Variants in ARHGAP21 observed in about 807,000 individuals in gnomAD.
ARHGAP21 encodes rho GTPase-activating protein 21.
ARHGAP21 carries 38 observed loss-of-function variants against 164.6 expected under a neutral mutation model. The ratio of observed to expected loss-of-function variants is 0.23; its 90% CI spans 0.18 to 0.30. The LOEUF is 0.30. ARHGAP21 is among the 10% of genes least tolerant of loss of function. The probability of loss-of-function intolerance (pLI) is 1.00; values close to 1 mark genes in which losing one functional copy is unlikely to be tolerated. For missense variants in ARHGAP21, 1,822 were observed against 2,370.7 expected (o/e 0.77, Z 4.81); for synonymous variants, 766 against 857.9 (o/e 0.89, Z 1.87).
chr10:24,689,492 C>A (rs1002008248), intron 2 of ARHGAP21, among the ~76,000 whole-genome samples: 1 of 152,114 alleles, frequency 6.6e-6, no homozygotes, highest in Non-Finnish European at 1.5e-5. Context: ...ATAATTCCAA[C>A]ACTTTGGGAG....
rs753571117 is a variant in ARHGAP21, at chr10:24,620,031, G to A, written c.1864C>T (p.Arg622Ter). ...GAAGGAGCTTTCAGAGAATTACTTC[G>A]GACTTTCACAAGAGGTGACCTGTCT... ...SQDRSPLVKVRSNSLKAPSTH... is the reference protein window; with the variant it reads ...SQDRSPLVKV Residue 622 changes from arginine to a stop codon, truncating the protein, a stop_gained, in exon 9 of 26, where the codon CGA becomes TGA. Transcript: ENST00000396432. LOFTEE classifies it high-confidence loss of function. 2.5e-6 allele frequency: 4 copies of A among 1,613,898 alleles called. No homozygotes were observed. Among genetic ancestry groups the A allele is most frequent in the Non-Finnish European group, 2.5e-6 (3 of 1,179,838 alleles).
chr10:24,710,986 T>A (rs1475419878), intron 2 of ARHGAP21, among the ~76,000 whole-genome samples: 1 of 149,440 alleles, frequency 6.7e-6, no homozygotes, highest in African/African-American at 2.5e-5. Context: ...CCCAGCTACT[T>A]GGGAGGCTGA....
intron 14 of ARHGAP21, 41 bp downstream of exon 14, chr10:24,600,605 T>G: frequency 1.9e-6 from 3 of 1,587,074 alleles, no homozygotes; most frequent in Non-Finnish European, 2.6e-6. Flanking sequence ...GAAAGTGTTG[T>G]GAAAGGGTCA....
At chr10:24,597,886 G>A (rs1406388944) in intron 15 of ARHGAP21, 59 bp downstream of exon 15, 3 of 1,519,038 alleles carry the variant, frequency 2.0e-6, no homozygotes, top group Non-Finnish European at 2.7e-6. Flanking sequence ...TTGCAAATAA[G>A]GGGGATGACT....
rs1332337991 is a variant in ARHGAP21 at position 24,589,042 on chromosome 10, A to G, written c.4182+229T>C. On this transcript the variant is annotated intron_variant, in intron 25 of 25. Coordinates refer to ENST00000396432, the MANE Select transcript of ARHGAP21 (RefSeq NM_020824.4). ...ATTAAAGAATGGCCTAGTTCTTTGT[A>G]TTATGCTAAAACTGCACAATGAGAA... Among the ~76,000 whole-genome samples, 7 of 152,164 alleles carry G rather than the reference A, an allele frequency of 4.6e-5. 1 individual carries two copies. Among genetic ancestry groups the G allele is most frequent in the Non-Finnish European group, 1.0e-4 (7 of 68,040 alleles).
intron 7 of ARHGAP21, among the ~76,000 whole-genome samples, chr10:24,626,866 G>A (rs1835191316): frequency 6.6e-6 from 1 of 152,104 alleles, no homozygotes; most frequent in African/African-American, 2.4e-5. Flanking sequence ...TATTTATATT[G>A]TTAACCTAGA....
chr10:24,645,063 C>T (rs1232184131), intron 4 of ARHGAP21, among the ~76,000 whole-genome samples: 1 of 152,154 alleles, frequency 6.6e-6, no homozygotes, highest in African/African-American at 2.4e-5. Context: ...TATCCAGTCA[C>T]TCAAGTCAGA....
chr10:24,614,782 C>CAA (rs34148464), intron 9 of ARHGAP21, among the ~76,000 whole-genome samples: 55,420 of 109,516 alleles, frequency 0.51, 12,542 homozygotes, highest in Middle Eastern at 0.58. Context: ...GACTCCATCT[C>CAA]AAAAAAAAAA....
chr10:24,593,081 A>AGG (rs1345827271), intron 21 of ARHGAP21, among the ~76,000 whole-genome samples: 1 of 151,594 alleles, frequency 6.6e-6, no homozygotes, highest in East Asian at 2.1e-4. Flanking sequence ...ATAACATCCC[A>AGG]GGGGGGTAAA....
In ARHGAP21 at chr10:24,670,371, T is replaced by C. The variant is rs763897344; in HGVS notation, c.90A>G (p.Glu30=). 1.8e-5 allele frequency: 28 copies of C among 1,596,374 alleles called. No individual in the cohort carries two copies. The highest frequency in any genetic ancestry group is 2.4e-5 in the Non-Finnish European group (28 of 1,170,856). ...CAGACAGTGATACAGTTTCACTTTGTTCTTTTCCATCTTTATTTTTTGAGA... is the reference window on the plus strand; with the variant it reads ...CAGACAGTGATACAGTTTCACTTTGCTCTTTTCCATCTTTATTTTTTGAGA... ...CEVSKNKDGK[E]QSETVSLSED... Residue 30 remains glutamate, a synonymous_variant, in exon 3 of 26, where the codon GAA becomes GAG. Coordinates refer to ENST00000396432, the MANE Select transcript of ARHGAP21 (RefSeq NM_020824.4).
At chr10:24,649,393 A>C (rs1373530066) in intron 4 of ARHGAP21, among the ~76,000 whole-genome samples, 1 of 152,248 alleles carries the variant, frequency 6.6e-6, no homozygotes, top group Non-Finnish European at 1.5e-5. Flanking sequence ...GCCCAAGTCC[A>C]GTTAGGAATC....
intron 2 of ARHGAP21, among the ~76,000 whole-genome samples, chr10:24,685,182 C>A (rs1398650040): frequency 6.6e-6 from 1 of 152,000 alleles, no homozygotes; most frequent in African/African-American, 2.4e-5. Context: ...TTGTTTTTTC[C>A]ATTCCTATAT....
intron 24 of ARHGAP21, chr10:24,590,142 C>T (rs1044603356): frequency 7.5e-7 from 1 of 1,331,364 alleles, no homozygotes. Flanking sequence ...AGCTGAGCCC[C>T]ATGCCACGCC....
At chr10:24,590,733 C>T (rs1230052481) in intron 24 of ARHGAP21, 61 of 985,082 alleles carry the variant, frequency 6.2e-5, no homozygotes, top group Non-Finnish European at 7.2e-5. Flanking sequence ...ACAAATAATA[C>T]ACTGTATTTA....
At chr10:24,716,877 C>T (rs549434273) in intron 2 of ARHGAP21, among the ~76,000 whole-genome samples, 1 of 152,244 alleles carries the variant, frequency 6.6e-6, no homozygotes, top group African/African-American at 2.4e-5. Flanking sequence ...CTGGAAGGAG[C>T]ATACTTGGGA....
intron 2 of ARHGAP21, among the ~76,000 whole-genome samples, chr10:24,686,464 A>G (rs375316632): frequency 1.3e-5 from 2 of 152,234 alleles, no homozygotes; most frequent in Middle Eastern, 3.4e-3. Context: ...AAAGATAAAT[A>G]AACTCAAACT....
chr10:24,648,438 T>C (rs1458082232), intron 4 of ARHGAP21, among the ~76,000 whole-genome samples: 1 of 152,216 alleles, frequency 6.6e-6, no homozygotes, highest in African/African-American at 2.4e-5. Flanking sequence ...TAAGCAATTC[T>C]CTTTCAAGCA....
intron 4 of ARHGAP21, among the ~76,000 whole-genome samples, chr10:24,656,407 G>T (rs1479041739): frequency 4.6e-5 from 3 of 65,638 alleles, no homozygotes; most frequent in African/African-American, 2.0e-4. Flanking sequence ...TCAGCCCTCC[G>T]CCCGGCCAGC....
At chr10:24,641,231 T>C (rs947897209) in intron 4 of ARHGAP21, among the ~76,000 whole-genome samples, 4 of 152,232 alleles carry the variant, frequency 2.6e-5, no homozygotes, top group Admixed American at 1.3e-4. Context: ...AAATATATCC[T>C]ATATAAGTCA....
Sources: gnomAD v4.1 joint callset for allele counts (sites outside exome capture counted in the v4.1 genomes callset) on GRCh38, gnomAD v4.1.1 for gene constraint, MANE v1.5 for transcripts, NCBI Gene and HGNC (gene_info 2026-07-23, HGNC 2026-07-21) for gene names.